ASCC1: variants seen among roughly 807,000 people sequenced by gnomAD.
The protein encoded by ASCC1 is activating signal cointegrator 1 complex subunit 1, also known as ASC-1 complex subunit P50.
A neutral mutation model predicts 46.6 loss-of-function variants in ASCC1; 35 were observed. That is an observed-to-expected ratio of 0.75 (90% CI 0.57 to 0.99). The LOEUF (loss-of-function observed/expected upper bound fraction) is 0.99. Among genes scored for constraint, ASCC1 ranks in the 50% least tolerant of loss-of-function variants. ASCC1 has a pLI of 0.00. For missense variants in ASCC1, 376 were observed against 428.7 expected, an observed-to-expected ratio of 0.88 and a Z score of 1.09; for synonymous variants, 143 against 146.6, an observed-to-expected ratio of 0.98 and a Z score of 0.18.
At chr10:72,169,791 T>A (rs1850823421) in intron 5 of ASCC1, among the ~76,000 whole-genome samples, 1 of 152,128 alleles carries the variant, frequency 6.6e-6, no homozygotes, top group Non-Finnish European at 1.5e-5. Context: ...TTTAAATGAA[T>A]ATCAAATCCA....
chr10:72,204,662 T>C (rs1284513421), intron 3 of ASCC1, among the ~76,000 whole-genome samples: 1 of 152,214 alleles, frequency 6.6e-6, no homozygotes, highest in Non-Finnish European at 1.5e-5. Flanking sequence ...CTAAAACTAT[T>C]CGTTAGTTTT....
intron 9 of ASCC1, among the ~76,000 whole-genome samples, chr10:72,109,239 G>C (rs1331832914): frequency 6.6e-6 from 1 of 152,176 alleles, no homozygotes. Flanking sequence ...TCTATTAGGA[G>C]AGCAGCAAAA....
At chr10:72,148,928 T>C (rs903213918) in intron 7 of ASCC1, among the ~76,000 whole-genome samples, 6 of 152,210 alleles carry the variant, frequency 3.9e-5, no homozygotes, top group Admixed American at 1.3e-4. Flanking sequence ...AGATCATTAA[T>C]GTACTCCCCA....
chr10:72,206,827 G>C (rs1857287070), intron 3 of ASCC1, among the ~76,000 whole-genome samples: 1 of 152,142 alleles, frequency 6.6e-6, no homozygotes, highest in South Asian at 2.1e-4. Context: ...ATGGCTGCTA[G>C]GGGCAGGGTG....
chr10:72,156,013 T>C (rs1848913774), intron 6 of ASCC1, among the ~76,000 whole-genome samples: 1 of 152,234 alleles, frequency 6.6e-6, no homozygotes, highest in Non-Finnish European at 1.5e-5. Flanking sequence ...ATATATTAAA[T>C]AGTTTGGATA....
At chr10:72,118,775 G>T (rs144790853) in intron 9 of ASCC1, among the ~76,000 whole-genome samples, 2 of 149,156 alleles carry the variant, frequency 1.3e-5, no homozygotes, top group African/African-American at 5.0e-5. Context: ...ATGAAACTCC[G>T]TCTCAAAAAA....
chr10:72,172,247 C>A (rs1851190262), intron 5 of ASCC1, among the ~76,000 whole-genome samples: 1 of 151,708 alleles, frequency 6.6e-6, no homozygotes, highest in South Asian at 2.1e-4. Flanking sequence ...AACCCCGTCT[C>A]TACTAAAAAT....
At chr10:72,206,874 C>T (rs912467086) in intron 3 of ASCC1, among the ~76,000 whole-genome samples, 2 of 152,046 alleles carry the variant, frequency 1.3e-5, no homozygotes, top group African/African-American at 4.8e-5. Flanking sequence ...ATGCTTTTTC[C>T]AAGCAGTTGA....
At chr10:72,198,365 G>GGGGGA (rs1855934087) in intron 4 of ASCC1, 1 of 88,078 alleles carries the variant, frequency 1.1e-5, no homozygotes, top group Non-Finnish European at 2.0e-5. Flanking sequence ...GGGGAGGGGA[G>GGGGGA]GGGGAGGGGA....
intron 3 of ASCC1, among the ~76,000 whole-genome samples, chr10:72,209,119 C>T (rs571677938): frequency 3.3e-5 from 5 of 150,526 alleles, no homozygotes; most frequent in South Asian, 2.1e-4. Context: ...GAGCCGAGAT[C>T]GCACCACTGC....
chr10:72,134,608 T>G (rs1845980395), intron 7 of ASCC1: 1 of 152,258 alleles, frequency 6.6e-6, no homozygotes, highest in South Asian at 2.1e-4. Flanking sequence ...TTGAATGTAT[T>G]ATGTTCTTTG....
At position 72,152,809 on chromosome 10, in the gene ASCC1, C is replaced by G. The variant is rs111848089; in HGVS notation, c.746+60G>C. The G allele has an allele frequency of 1.2e-5, 19 of 1,602,148 alleles. No individual in the cohort carries two copies. In the African/African-American group the frequency reaches 1.3e-4, roughly 11 times the overall value. Reference sequence around the variant, plus strand: ...AGAAAAGGAATCAAAATGAATCAAACTTTTGAGGATGCTTTTAGGTACCTC... The same window carrying G: ...AGAAAAGGAATCAAAATGAATCAAAGTTTTGAGGATGCTTTTAGGTACCTC... On this transcript the variant is annotated intron_variant, in intron 7 of 9. Coordinates refer to ENST00000672957, the MANE Select transcript of ASCC1 (RefSeq NM_001198800.3).
intron 7 of ASCC1, chr10:72,133,952 AC>A (rs1245223048): frequency 6.6e-6 from 1 of 152,320 alleles, no homozygotes; most frequent in Non-Finnish European, 1.5e-5. Context: ...AAGTTACAAA[AC>A]TTGACCAACT....
intron 9 of ASCC1, among the ~76,000 whole-genome samples, chr10:72,110,555 G>A (rs1478801640): frequency 2.6e-5 from 4 of 151,920 alleles, no homozygotes; most frequent in Non-Finnish European, 4.4e-5. Context: ...TTGGGAGGCC[G>A]AGGTGGGTGG....
intron 5 of ASCC1, chr10:72,189,802 C>CAAAAAAAAAAAA (rs996153326): frequency 1.8e-5 from 3 of 167,932 alleles, no homozygotes; most frequent in African/African-American, 1.1e-4. Context: ...AACTCCATCT[C>CAAAAAAAAAAAA]AAAAAAAAAA....
At chr10:72,196,765 T>C (rs1454053073) in intron 5 of ASCC1, 46 bp downstream of exon 5, 3 of 1,555,688 alleles carry the variant, frequency 1.9e-6, no homozygotes, top group Middle Eastern at 4.3e-4. Flanking sequence ...TGTATTCTTT[T>C]TATATTTAAC....
In ASCC1 at chr10:72,096,687, AGT is replaced by A. The variant is rs1399060078; in HGVS notation, c.*645_*646del. ...CAAGTGTTCACTGATGGAGGAACAGAGTGTGGTACGCACATGTAACGGAACAT... is the reference window on the plus strand; with the variant it reads ...CAAGTGTTCACTGATGGAGGAACAGAGTGGTACGCACATGTAACGGAACAT... On this transcript the variant is annotated 3_prime_UTR_variant, in exon 10 of 10. Coordinates refer to ENST00000672957, the MANE Select transcript of ASCC1 (RefSeq NM_001198800.3). 4.4e-6 allele frequency: 2 copies of A among 454,146 alleles called. No individual in the cohort carries two copies. The highest frequency in any genetic ancestry group is 3.1e-5 in the South Asian group (2 of 64,480). 28.1% of individuals were successfully genotyped at this position (454,146 alleles called of 1,614,324 possible). A position where few individuals can be genotyped will look rare whatever the true frequency, so the allele number is the denominator to read the frequency against.
intron 7 of ASCC1, among the ~76,000 whole-genome samples, chr10:72,150,973 T>C (rs1266563383): frequency 1.3e-5 from 2 of 152,068 alleles, no homozygotes; most frequent in East Asian, 1.9e-4. Context: ...TGTGGAGAAA[T>C]AGGAACGCTT....
At chr10:72,155,068 T>C (rs1022719825) in intron 6 of ASCC1, among the ~76,000 whole-genome samples, 17 of 147,554 alleles carry the variant, frequency 1.2e-4, no homozygotes, top group South Asian at 1.0e-3. Context: ...CTATGCTACT[T>C]GTACAAAAGA....
Sources: allele counts gnomAD v4.1 joint callset (sites outside exome capture counted in the v4.1 genomes callset), GRCh38; gene constraint gnomAD v4.1.1; transcripts MANE v1.5; gene names NCBI Gene and HGNC (gene_info 2026-07-23, HGNC 2026-07-21).